The following CYP4F22 variants were observed in gnomAD, a reference collection of about 807,000 sequenced individuals.
CYP4F22 encodes the protein ultra-long-chain fatty acid omega-hydroxylase.
A neutral mutation model predicts 60.4 loss-of-function variants in CYP4F22; 37 were observed. The observed-to-expected ratio is 0.61, with a 90% CI of 0.47 to 0.81. The LOEUF is 0.81. Among genes scored for constraint, CYP4F22 ranks in the 30% least tolerant of loss-of-function variants. The pLI is 0.00. For synonymous variants in CYP4F22, 258 were observed against 280.5 expected, an observed-to-expected ratio of 0.92 and a Z score of 0.80; for missense variants, 655 against 715.0, an observed-to-expected ratio of 0.92 and a Z score of 0.96.
chr19:15,513,359 A>ATG (rs1971114718), intron 1 of CYP4F22, among the ~76,000 whole-genome samples: 1 of 73,358 alleles, frequency 1.4e-5, no homozygotes, highest in Non-Finnish European at 2.6e-5. Context: ...GTATATATAT[A>ATG]TATTTTTTTT....
intron 7 of CYP4F22, among the ~76,000 whole-genome samples, chr19:15,539,825 G>A (rs575321559): frequency 1.7e-4 from 26 of 152,258 alleles, no homozygotes; most frequent in Middle Eastern, 3.4e-3. Flanking sequence ...TTTGATTTTA[G>A]TCACCTTAGT....
At chr19:15,525,663 G>A (rs1971275513) in intron 3 of CYP4F22, 105 bp downstream of exon 3, 4 of 1,132,674 alleles carry the variant, frequency 3.5e-6, no homozygotes, top group Non-Finnish European at 5.0e-6. Flanking sequence ...CAAGAATCTG[G>A]TTGGGGCTAG....
chr19:15,540,694 A>T lies in CYP4F22; in HGVS notation c.916A>T (p.Ile306Phe). 1 of 1,613,082 alleles carries T rather than the reference A, an allele frequency of 6.2e-7. No homozygotes were observed. The highest frequency in any genetic ancestry group is 1.3e-5 in the African/African-American group (1 of 74,750). ...KAKQGKTLDF[I>F]DVLLLARDED... ...CAAGCAGGGGAAGACCTTGGACTTTATTGATGTGCTGCTCCTGGCCAGGGT... is the reference window on the plus strand; with the variant it reads ...CAAGCAGGGGAAGACCTTGGACTTTTTTGATGTGCTGCTCCTGGCCAGGGT... Residue 306 changes from isoleucine (I) to phenylalanine (F), a missense_variant, in exon 8 of 14, where the codon ATT becomes TTT. Transcript: ENST00000269703.
intron 3 of CYP4F22, among the ~76,000 whole-genome samples, chr19:15,526,670 C>T (rs1287762455): frequency 6.6e-6 from 1 of 152,078 alleles, no homozygotes; most frequent in African/African-American, 2.4e-5. Flanking sequence ...AAGCTCTAGC[C>T]TCCTTGATCT....
At chr19:15,551,171 G>C in intron 13 of CYP4F22, 123 bp from the exon 14 acceptor site, 4 of 1,266,672 alleles carry the variant, frequency 3.2e-6, no homozygotes, top group Non-Finnish European at 3.4e-6. Context: ...ACCCAGCGTG[G>C]GGTTTCACTT....
rs369811073 is a variant in CYP4F22, at chr19:15,529,728, G to A, written c.242G>A (p.Gly81Asp). Residue 81 changes from glycine to aspartate, a missense_variant, in exon 4 of 14, where the codon GGC becomes GAC. Around this residue, in one of 3 missense-constraint regions of CYP4F22, gnomAD observed 430 missense variants for 457.1 expected, o/e 0.94. Coordinates refer to ENST00000269703, the MANE Select transcript of CYP4F22 (RefSeq NM_173483.4). ...TTGCAGTACCTTCCAAATGAGGCGG[G>A]CCTTCAAGATGAGAAGAAGGTACTG... ...HLGMYLPNEA[G>D]LQDEKKVLDN... The A allele has an allele frequency of 3.7e-6, 6 of 1,614,134 alleles. No homozygotes were observed. The highest frequency in any genetic ancestry group is 5.1e-6 in the Non-Finnish European group (6 of 1,180,034).
chr19:15,537,927 A>C lies in CYP4F22; in HGVS notation c.605A>C (p.His202Pro). The stretch of plus-strand genomic sequence containing the variant: ...GCGGTCTCCCTTGATATGTTTGAGC[A>C]TATCAGCCTCATGACCCTGGACAGT... ...GSAVSLDMFE[H>P]ISLMTLDSLQ... Residue 202 changes from histidine (H) to proline (P), a missense_variant, in exon 7 of 14, where the codon CAT (histidine) becomes CCT (proline). Physicochemically the swap from His to Pro is moderately conservative, Grantham distance 77. Coordinates refer to ENST00000269703, the MANE Select transcript of CYP4F22 (RefSeq NM_173483.4). The C allele has an allele frequency of 1.2e-6, 2 of 1,614,214 alleles. No individual in the cohort carries two copies. Among genetic ancestry groups the C allele is most frequent in the African/African-American group, 2.7e-5 (2 of 75,054 alleles).
intron 2 of CYP4F22, among the ~76,000 whole-genome samples, chr19:15,524,612 C>G (rs1046638282): frequency 6.6e-6 from 1 of 151,716 alleles, no homozygotes; most frequent in African/African-American, 2.4e-5. Context: ...GATCATGCCA[C>G]TGCACTCCAG....
chr19:15,529,173 G>C (rs1017882410), intron 3 of CYP4F22, among the ~76,000 whole-genome samples: 1 of 150,514 alleles, frequency 6.6e-6, no homozygotes, highest in Admixed American at 6.6e-5. Flanking sequence ...TTGTCGTCCA[G>C]GCTGGAGTGC....
chr19:15,518,647 C>CAAAAAAAAAA (rs748509278), intron 1 of CYP4F22, among the ~76,000 whole-genome samples: 1 of 23,404 alleles, frequency 4.3e-5, no homozygotes, highest in African/African-American at 1.6e-4. Flanking sequence ...GACTTTGTCT[C>CAAAAAAAAAA]AAAAAAAAAA....
At chr19:15,520,402 G>A (rs1288854256) in intron 1 of CYP4F22, among the ~76,000 whole-genome samples, 2 of 138,512 alleles carry the variant, frequency 1.4e-5, no homozygotes, top group South Asian at 4.4e-4. Flanking sequence ...TTTTTTTGCT[G>A]TTTTTTTTTT....
chr19:15,528,110 C>T (rs1301784828), intron 3 of CYP4F22, among the ~76,000 whole-genome samples: 2 of 152,086 alleles, frequency 1.3e-5, no homozygotes, highest in Admixed American at 6.6e-5. Flanking sequence ...GTCCAGCTGC[C>T]AGCTCCTGCA....
In CYP4F22 at chr19:15,543,983, A is replaced by C. The variant is rs1210375918; in HGVS notation, c.952A>C (p.Lys318Gln). ...VLLLARDEDG[K>Q]ELSDEDIRAE... ...CTGCCCATTCCAGGATGAAGATGGA[A>C]AGGAACTGTCAGACGAGGATATCCG... is the stretch of plus-strand genomic sequence containing the variant. The change falls in exon 9 of 14, where the codon AAG (lysine) becomes CAG (glutamine). Residue 318 changes from lysine to glutamine, a missense_variant. Coordinates refer to ENST00000269703, the MANE Select transcript of CYP4F22 (RefSeq NM_173483.4). The C allele has an allele frequency of 1.2e-6, 2 of 1,613,966 alleles. No homozygotes were observed. The highest frequency in any genetic ancestry group is 1.7e-6 in the Non-Finnish European group (2 of 1,180,022).
intron 3 of CYP4F22, among the ~76,000 whole-genome samples, chr19:15,527,998 A>G (rs1971301368): frequency 1.3e-5 from 2 of 152,208 alleles, no homozygotes; most frequent in East Asian, 1.9e-4. Context: ...GAGGAAGTGC[A>G]GTTTTGTAGC....
chr19:15,518,647 C>CAAAAAAAAAAAAAAAAAAAAAAAAAAAA (rs748509278), intron 1 of CYP4F22, among the ~76,000 whole-genome samples: 1 of 23,512 alleles, frequency 4.3e-5, no homozygotes, highest in African/African-American at 1.6e-4. Context: ...GACTTTGTCT[C>CAAAAAAAAAAAAAAAAAAAAAAAAAAAA]AAAAAAAAAA....
At chr19:15,522,563 C>T (rs1359182019) in intron 1 of CYP4F22, among the ~76,000 whole-genome samples, 1 of 151,944 alleles carries the variant, frequency 6.6e-6, no homozygotes, top group African/African-American at 2.4e-5. Context: ...ATAGTCCCAG[C>T]TACTCTGGAG....
intron 4 of CYP4F22, among the ~76,000 whole-genome samples, chr19:15,531,808 A>G (rs1971345803): frequency 2.6e-5 from 4 of 152,244 alleles, no homozygotes; most frequent in Admixed American, 2.0e-4. Context: ...CCTGAATAAT[A>G]TAATGTGGAT....
At chr19:15,542,595 G>T (rs867479700) in intron 8 of CYP4F22, among the ~76,000 whole-genome samples, 22 of 152,134 alleles carry the variant, frequency 1.4e-4, no homozygotes, top group African/African-American at 4.6e-4. Context: ...GGGCGTGCAG[G>T]TTTGTTACGT....
chr19:15,542,821 T>A (rs1971479266), intron 8 of CYP4F22, among the ~76,000 whole-genome samples: 2 of 152,204 alleles, frequency 1.3e-5, no homozygotes, highest in Non-Finnish European at 2.9e-5. Context: ...TTTCTGTTCC[T>A]GCCTTAGGTT....
Sources: gnomAD v4.1 joint callset for allele counts (sites outside exome capture counted in the v4.1 genomes callset) on GRCh38, gnomAD v4.1.1 for gene constraint, gnomAD v4.1.1 regional missense constraint, MANE v1.5 for transcripts, NCBI Gene and HGNC (gene_info 2026-07-23, HGNC 2026-07-21) for gene names.